The following ADGRB3 variants were observed in gnomAD, a reference collection of about 807,000 sequenced individuals.
ADGRB3 encodes brain-specific angiogenesis inhibitor 3.
A neutral mutation model predicts 193.4 loss-of-function variants in ADGRB3; 37 were observed. The observed-to-expected ratio is 0.19, with a 90% confidence interval of 0.15 to 0.25. The LOEUF (loss-of-function observed/expected upper bound fraction) is 0.25, where lower values mean the gene tolerates loss of function less well. Ranked by LOEUF, ADGRB3 falls within the 10% of genes least tolerant of loss-of-function variation. ADGRB3 has a pLI of 1.00. For missense variants in ADGRB3, 1,637 were observed against 1,852.9 expected (o/e 0.88, Z 2.14); for synonymous variants, 690 against 644.2 (o/e 1.07, Z -1.08).
intron 3 of ADGRB3, among the ~76,000 whole-genome samples, chr6:68,888,684 G>A (rs912690907): frequency 6.6e-6 from 1 of 151,974 alleles, no homozygotes; most frequent in East Asian, 1.9e-4. Context: ...AAAAATTATG[G>A]CACAATAAGG....
intron 3 of ADGRB3, among the ~76,000 whole-genome samples, chr6:68,852,322 T>A (rs1053856951): frequency 6.6e-6 from 1 of 151,934 alleles, no homozygotes; most frequent in Non-Finnish European, 1.5e-5. Context: ...ATTTTTGTAA[T>A]TGGGCTCAGA....
chr6:68,809,070 TG>T (rs1288093843), intron 3 of ADGRB3, among the ~76,000 whole-genome samples: 1 of 67,538 alleles, frequency 1.5e-5, no homozygotes, highest in Non-Finnish European at 3.5e-5. Context: ...TTAATTGTGC[TG>T]GTTTAAAAAA....
At position 68,974,919 on chromosome 6, in the gene ADGRB3, A is replaced by G. The variant is rs1768698820; in HGVS notation, c.1627+55A>G. The G allele has an allele frequency of 5.5e-6, 8 of 1,442,234 alleles. No individual in the cohort carries two copies. The Admixed American group carries it at 8.7e-5, about 16-fold the overall frequency. The allele number at this position is 1,442,234 out of a possible 1,614,324, so 89.3% of individuals were successfully genotyped here. ...GTGATAATCCCCATCCAAGAACAGC[A>G]TGCAGTGTTGGTTTATGAAGTCATG... is the stretch of plus-strand genomic sequence containing the variant. On this transcript the variant is annotated intron_variant, in intron 9 of 31. Coordinates refer to ENST00000370598, the MANE Select transcript of ADGRB3 (RefSeq NM_001704.3).
chr6:68,699,171 A>G (rs920009071), intron 3 of ADGRB3, among the ~76,000 whole-genome samples: 33 of 152,122 alleles, frequency 2.2e-4, no homozygotes. Context: ...GTATTTAACA[A>G]CAATTAGAGA....
At position 69,361,280 on chromosome 6, in the gene ADGRB3, C is replaced by T. The variant is rs1769445322; in HGVS notation, c.4007C>T (p.Pro1336Leu). ...SKMNIGMETL[P>L]HERLLHYKVN... Reference sequence around the variant, plus strand: ...ATGAATATTGGCATGGAAACCTTGCCGCATGAAAGGCTATTGCACTACAAA... The same window carrying T: ...ATGAATATTGGCATGGAAACCTTGCTGCATGAAAGGCTATTGCACTACAAA... The change falls in exon 29 of 32, where the codon CCG (proline) becomes CTG (leucine). Residue 1336 changes from proline (P) to leucine (L), a missense_variant. By Grantham distance (98) the Pro-to-Leu change is moderately conservative. Coordinates refer to ENST00000370598, the MANE Select transcript of ADGRB3 (RefSeq NM_001704.3). The T allele has an allele frequency of 6.8e-6, 11 of 1,612,644 alleles. No individual in the cohort carries two copies. Among genetic ancestry groups the T allele is most frequent in the East Asian group, 2.2e-5 (1 of 44,854 alleles).
chr6:68,851,870 C>G (rs535931334), intron 3 of ADGRB3, among the ~76,000 whole-genome samples: 7 of 151,784 alleles, frequency 4.6e-5, no homozygotes, highest in African/African-American at 1.4e-4. Context: ...AAAAGTTACA[C>G]TAAAGATATA....
At chr6:69,049,971 A>G (rs1771344951) in intron 15 of ADGRB3, among the ~76,000 whole-genome samples, 1 of 152,216 alleles carries the variant, frequency 6.6e-6, no homozygotes, top group African/African-American at 2.4e-5. Flanking sequence ...CAAATCTCAC[A>G]GAAAACATCA....
At chr6:69,250,795 A>T (rs570531408) in intron 20 of ADGRB3, among the ~76,000 whole-genome samples, 13 of 152,302 alleles carry the variant, frequency 8.5e-5, no homozygotes, top group African/African-American at 3.1e-4. Flanking sequence ...TTCTTCACTC[A>T]CCAGCCTAGT....
At chr6:68,657,881 A>G (rs1042973170) in intron 3 of ADGRB3, among the ~76,000 whole-genome samples, 1 of 151,298 alleles carries the variant, frequency 6.6e-6, no homozygotes, top group Non-Finnish European at 1.5e-5. Flanking sequence ...GCACAACTTA[A>G]CCCCAAATGT....
chr6:68,892,531 T>C (rs528960187), intron 3 of ADGRB3, among the ~76,000 whole-genome samples: 101 of 152,318 alleles, frequency 6.6e-4, no homozygotes, highest in Admixed American at 2.0e-3. Flanking sequence ...CTTTATGGTA[T>C]AGATCATAAT....
intron 20 of ADGRB3, among the ~76,000 whole-genome samples, chr6:69,260,705 A>G (rs932726784): frequency 4.0e-4 from 61 of 152,324 alleles, no homozygotes; most frequent in African/African-American, 1.4e-3. Context: ...ATATAGCTCT[A>G]CGATTCCAGG....
intron 17 of ADGRB3, among the ~76,000 whole-genome samples, chr6:69,110,360 A>G (rs899587059): frequency 6.6e-6 from 1 of 152,188 alleles, no homozygotes; most frequent in Non-Finnish European, 1.5e-5. Flanking sequence ...ATAAGACTAT[A>G]TTTTGAACAT....
chr6:68,897,336 G>T (rs1047524927), intron 3 of ADGRB3, among the ~76,000 whole-genome samples: 38 of 150,812 alleles, frequency 2.5e-4, no homozygotes, highest in Admixed American at 1.6e-3. Flanking sequence ...ATTCCAGCCT[G>T]GGCAACAGAG....
intron 20 of ADGRB3, among the ~76,000 whole-genome samples, chr6:69,292,492 A>T (rs116679216): frequency 1.0e-3 from 154 of 152,236 alleles, no homozygotes; most frequent in African/African-American, 3.5e-3. Flanking sequence ...ATATGAATGC[A>T]TTTGTTGATA....
At chr6:69,343,013 T>G (rs1448339745) in intron 26 of ADGRB3, among the ~76,000 whole-genome samples, 1 of 129,020 alleles carries the variant, frequency 7.8e-6, no homozygotes, top group African/African-American at 2.9e-5. Context: ...CCATATTTAT[T>G]ATTTCTGTGG....
chr6:69,188,820 G>T (rs377742141), intron 17 of ADGRB3, among the ~76,000 whole-genome samples: 88 of 152,050 alleles, frequency 5.8e-4, no homozygotes, highest in African/African-American at 2.0e-3. Flanking sequence ...GAAATCCTTT[G>T]TCTCCATATA....
chr6:68,855,920 A>C (rs1764975379), intron 3 of ADGRB3, among the ~76,000 whole-genome samples: 1 of 152,136 alleles, frequency 6.6e-6, no homozygotes, highest in Non-Finnish European at 1.5e-5. Flanking sequence ...CCCAAATCTC[A>C]TCTTGCAGCT....
chr6:69,266,714 AAAC>A (rs1288692100), intron 20 of ADGRB3, among the ~76,000 whole-genome samples: 1 of 152,090 alleles, frequency 6.6e-6, no homozygotes, highest in African/African-American at 2.4e-5. Flanking sequence ...TTGTCTACCA[AAAC>A]AACAAACAGA....
intron 3 of ADGRB3, among the ~76,000 whole-genome samples, chr6:68,796,048 G>T (rs541800712): frequency 6.6e-6 from 1 of 151,944 alleles, no homozygotes; most frequent in African/African-American, 2.4e-5. Context: ...TGATGTGAAA[G>T]AACAAAAAAA....
Sources: allele counts gnomAD v4.1 joint callset (sites outside exome capture counted in the v4.1 genomes callset), GRCh38; gene constraint gnomAD v4.1.1; transcripts MANE v1.5; gene names NCBI Gene and HGNC (gene_info 2026-07-23, HGNC 2026-07-21).